Variants in DRC9 observed in about 807,000 individuals in gnomAD.
The protein encoded by DRC9 is dynein regulatory complex protein 9.
chr3:197,893,297 C>T, the DRC9 span, among the ~76,000 whole-genome samples: 6 of 127,134 alleles, frequency 4.7e-5, no homozygotes, highest in South Asian at 2.6e-4. Context: ...GCGGAGGTTG[C>T]GGTAAGCCCA....
chr3:197,935,506 C>G, the DRC9 span, among the ~76,000 whole-genome samples: 180 of 151,864 alleles, frequency 1.2e-3, no homozygotes, highest in African/African-American at 4.1e-3. Context: ...TAATTAGAGA[C>G]AGGGTCTCGC....
chr3:197,933,665 T>C, the DRC9 span, among the ~76,000 whole-genome samples: 3 of 152,120 alleles, frequency 2.0e-5, no homozygotes, highest in African/African-American at 7.2e-5. Flanking sequence ...ATATCTGAAG[T>C]CTCTAGTCCC....
the DRC9 span, chr3:197,954,116 C>G: frequency 1.2e-6 from 2 of 1,614,162 alleles, no homozygotes; most frequent in Admixed American, 1.7e-5. Flanking sequence ...AGCAATCTTC[C>G]TGCTAAGGCC....
At chr3:197,920,275 AT>A in the DRC9 span, among the ~76,000 whole-genome samples, 1 of 152,042 alleles carries the variant, frequency 6.6e-6, no homozygotes, top group Non-Finnish European at 1.5e-5. Context: ...ATACCGGCTG[AT>A]ACTATACGAG....
chr3:197,934,707 C>A, the DRC9 span, among the ~76,000 whole-genome samples: 1 of 151,878 alleles, frequency 6.6e-6, no homozygotes, highest in Non-Finnish European at 1.5e-5. Context: ...AGAGCTCACA[C>A]CTGTAATCCC....
the DRC9 span, chr3:197,954,213 G>C: frequency 6.6e-7 from 1 of 1,518,352 alleles, no homozygotes; most frequent in African/African-American, 1.4e-5. Context: ...GTTGTGCTTT[G>C]ACTTCTGAGG....
chr3:197,932,957 T>TATTATATTATA, the DRC9 span, among the ~76,000 whole-genome samples: 285 of 135,430 alleles, frequency 2.1e-3, no homozygotes, highest in African/African-American at 7.4e-3. Flanking sequence ...ATATTATATA[T>TATTATATTATA]TATTATATAT....
the DRC9 span, among the ~76,000 whole-genome samples, chr3:197,900,031 C>T: frequency 1.3e-5 from 2 of 152,182 alleles, no homozygotes; most frequent in Non-Finnish European, 2.9e-5. This position sits in a 1 kb window ranked among gnomAD's most constrained non-coding sequence, Gnocchi z 4.7. Context: ...AAAGCAAAAC[C>T]GGGTTGAACT....
chr3:197,891,018 A>AT, the DRC9 span, among the ~76,000 whole-genome samples: 1 of 152,038 alleles, frequency 6.6e-6, no homozygotes, highest in Non-Finnish European at 1.5e-5. Context: ...AAATATCTCT[A>AT]TTTTTTTCTA....
At chr3:197,928,683 A>C in the DRC9 span, among the ~76,000 whole-genome samples, 4 of 152,152 alleles carry the variant, frequency 2.6e-5, 1 homozygote, top group South Asian at 8.3e-4. Flanking sequence ...CTAAAATAAC[A>C]GGCAAGAAAT....
chr3:197,894,614 G>A, the DRC9 span: 14 of 152,276 alleles, frequency 9.2e-5, no homozygotes, highest in Admixed American at 3.9e-4. Flanking sequence ...CCATATTTGT[G>A]TACTTTCTAG....
At chr3:197,939,333 T>C in the DRC9 span, among the ~76,000 whole-genome samples, 1 of 152,082 alleles carries the variant, frequency 6.6e-6, no homozygotes, top group African/African-American at 2.4e-5. Flanking sequence ...AAAGCAGAGG[T>C]TGATAGTACA....
At chr3:197,912,192 C>T in the DRC9 span, among the ~76,000 whole-genome samples, 71 of 152,094 alleles carry the variant, frequency 4.7e-4, no homozygotes, top group African/African-American at 1.7e-3. Context: ...AGGCGCACCA[C>T]CATGCCCGGC....
the DRC9 span, among the ~76,000 whole-genome samples, chr3:197,940,920 A>G: frequency 6.6e-6 from 1 of 152,196 alleles, no homozygotes; most frequent in Non-Finnish European, 1.5e-5. Flanking sequence ...TTTGTGGGTA[A>G]AAGATCACTA....
At chr3:197,892,792 A>G in the DRC9 span, 1 of 1,613,180 alleles carries the variant, frequency 6.2e-7, no homozygotes, top group Non-Finnish European at 8.5e-7. Flanking sequence ...CATGGCATTC[A>G]GCAGACACAA....
At chr3:197,927,601 G>A in the DRC9 span, among the ~76,000 whole-genome samples, 3 of 152,132 alleles carry the variant, frequency 2.0e-5, no homozygotes, top group Non-Finnish European at 4.4e-5. Context: ...TATAGATTAT[G>A]TACTTCCCAC....
chr3:197,955,117 G>T, the DRC9 span, among the ~76,000 whole-genome samples: 1 of 151,920 alleles, frequency 6.6e-6, no homozygotes, highest in Non-Finnish European at 1.5e-5. Flanking sequence ...TATATTCTTG[G>T]GACCAAGAAT....
the DRC9 span, among the ~76,000 whole-genome samples, chr3:197,903,707 A>G: frequency 6.6e-6 from 1 of 152,150 alleles, no homozygotes; most frequent in Non-Finnish European, 1.5e-5. Context: ...AAGACAACCC[A>G]AAGAACTGGA....
At chr3:197,895,974 C>CAAA in the DRC9 span, among the ~76,000 whole-genome samples, 10,161 of 58,640 alleles carry the variant, frequency 0.17, 689 homozygotes, top group South Asian at 0.2. Context: ...GACCCTGTCT[C>CAAA]AAAAAAAAAA....
Sources: gnomAD v4.1 joint callset for allele counts (sites outside exome capture counted in the v4.1 genomes callset) on GRCh38, gnomAD v4.1.1 for gene constraint, Gnocchi (gnomAD v3.1) non-coding constraint, MANE v1.5 for transcripts, NCBI Gene and HGNC (gene_info 2026-07-23, HGNC 2026-07-21) for gene names.